The following MROH7 variants were observed in gnomAD, a reference collection of about 807,000 sequenced individuals.
MROH7 encodes maestro heat-like repeat-containing protein family member 7.
In MROH7, 113 loss-of-function variants were observed where a neutral mutation model predicts 129.2. That is an observed-to-expected ratio of 0.87 (90% CI 0.75 to 1.02). MROH7 has a LOEUF of 1.02. Ranked by LOEUF, MROH7 falls within the 50% of genes least tolerant of loss-of-function variation. MROH7 has a pLI of 0.00. For synonymous variants in MROH7, 655 were observed against 667.9 expected, an observed-to-expected ratio of 0.98 and a Z score of 0.30; for missense variants, 1,601 against 1,671.3, an observed-to-expected ratio of 0.96 and a Z score of 0.73.
intron 16 of MROH7, among the ~76,000 whole-genome samples, chr1:54,693,106 T>G (rs931632990): frequency 1.3e-5 from 2 of 151,790 alleles, no homozygotes; most frequent in African/African-American, 2.4e-5. Context: ...TTGAGGCGGG[T>G]GGATCATCTG....
intron 11 of MROH7, 93 bp downstream of exon 11, chr1:54,678,947 C>A: frequency 1.9e-6 from 2 of 1,028,782 alleles, no homozygotes; most frequent in Non-Finnish European, 3.0e-6. Flanking sequence ...TCTAGCTTTC[C>A]AGGCTTTGCA....
At position 54,702,797 on chromosome 1, in the gene MROH7, C is replaced by T. The variant is rs185990957; in HGVS notation, c.3564+52C>T. The T allele has an allele frequency of 1.6e-4, 240 of 1,547,784 alleles. 1 individual carries two copies. The highest frequency in any genetic ancestry group is 9.0e-4 in the Admixed American group (46 of 51,066). On this transcript the variant is annotated intron_variant, in intron 21 of 23. Coordinates refer to ENST00000421030, the MANE Select transcript of MROH7 (RefSeq NM_001039464.4). ...TTCCTTACAAGCATGTTGGAGGTGG[C>T]GAATTCTGTGTCTCTCTCTTCCTTC...
At chr1:54,680,112 G>A in intron 13 of MROH7, 67 bp downstream of exon 13, 1 of 1,525,242 alleles carries the variant, frequency 6.6e-7, no homozygotes, top group Non-Finnish European at 9.0e-7. Flanking sequence ...CCCCAGGTTG[G>A]GGACCCCCTT....
intron 3 of MROH7, among the ~76,000 whole-genome samples, chr1:54,662,307 G>A (rs1251907135): frequency 6.6e-6 from 1 of 151,700 alleles, no homozygotes; most frequent in Non-Finnish European, 1.5e-5. Context: ...AGGCCGAGGC[G>A]GGCAGATCAT....
In MROH7 at chr1:54,701,143, A is replaced by G; in HGVS notation, c.3106A>G (p.Thr1036Ala). 2 of 1,613,306 alleles carry G rather than the reference A, an allele frequency of 1.2e-6. No homozygotes were observed. Among genetic ancestry groups the G allele is most frequent in the Non-Finnish European group, 1.7e-6 (2 of 1,180,014 alleles). ...CATCCCAAATGCTCCTGCCCCACAG[A>G]CCGCCAAGGTGAAGGCCCTCCTGCC... Reference protein sequence around the residue: ...LVILARRSEKTAKVKALLPSM... With the variant: ...LVILARRSEKAAKVKALLPSM... Residue 1036 changes from threonine to alanine, a missense_variant and splice_region_variant, in exon 19 of 24, where the codon ACC (threonine) becomes GCC (alanine). By Grantham distance (58) the Thr-to-Ala change is moderately conservative. Coordinates refer to ENST00000421030, the MANE Select transcript of MROH7 (RefSeq NM_001039464.4).
At chr1:54,700,089 AG>A in intron 17 of MROH7, 1 of 695,370 alleles carries the variant, frequency 1.4e-6, no homozygotes, top group Non-Finnish European at 2.7e-6. Context: ...CTCATGGGAA[AG>A]GCAACAACAA....
chr1:54,661,010 CTTT>C (rs34137020), intron 3 of MROH7, among the ~76,000 whole-genome samples: 5 of 117,442 alleles, frequency 4.3e-5, no homozygotes, highest in Non-Finnish European at 5.8e-5. Flanking sequence ...ACGTTTTGTG[CTTT>C]TTTTTTTTTT....
intron 1 of MROH7, among the ~76,000 whole-genome samples, chr1:54,644,253 G>T (rs1331642997): frequency 1.3e-5 from 2 of 148,926 alleles, no homozygotes; most frequent in South Asian, 2.2e-4. Flanking sequence ...GGGGAGGGGG[G>T]TCTATTTTCT....
chr1:54,689,546 G>A lies in MROH7; in HGVS notation c.2712-2878G>A, dbSNP rs142205377. Among the ~76,000 whole-genome samples, 9 of 152,340 alleles carry A rather than the reference G, an allele frequency of 5.9e-5. No individual in the cohort carries two copies. The East Asian group carries it at 1.2e-3, about 20-fold the overall frequency. ...GCTCCACGGGGCATCAGCACACAAG[G>A]CGGTCACATCCTCCTGAGAGGAGAG... On this transcript the variant is annotated intron_variant, in intron 15 of 23. Transcript: ENST00000421030.
intron 16 of MROH7, among the ~76,000 whole-genome samples, chr1:54,695,045 G>C (rs1447926547): frequency 6.6e-6 from 1 of 152,194 alleles, no homozygotes; most frequent in Admixed American, 6.5e-5. Context: ...CCTGGCGCTT[G>C]GTGAGTGGGC....
rs555375014 is a variant in MROH7, at chr1:54,641,817, G to A, written c.-261G>A. The stretch of plus-strand genomic sequence containing the variant: ...CAGCTCTGGGAAAGTCCTAGGGGTG[G>A]GGGCAGTCTCCACAGCCTCCCACAA... On this transcript the variant is annotated 5_prime_UTR_variant, in exon 1 of 24. Transcript: ENST00000421030. 4 of 146,538 alleles carry A rather than the reference G, an allele frequency of 2.7e-5. No individual in the cohort carries two copies. Among genetic ancestry groups the A allele is most frequent in the Non-Finnish European group, 6.0e-5 (4 of 66,158 alleles). 9.1% of individuals were successfully genotyped at this position (146,538 alleles called of 1,614,324 possible).
chr1:54,650,861 C>A (rs564096806), intron 1 of MROH7, among the ~76,000 whole-genome samples: 1 of 151,932 alleles, frequency 6.6e-6, no homozygotes, highest in East Asian at 1.9e-4. Flanking sequence ...GTAGTTGAGA[C>A]GGCAGGCACA....
intron 14 of MROH7, among the ~76,000 whole-genome samples, chr1:54,684,252 G>A (rs781475855): frequency 3.9e-5 from 6 of 152,198 alleles, no homozygotes; most frequent in Non-Finnish European, 8.8e-5. Flanking sequence ...GGATGCTCCT[G>A]CTTAGAGACA....
chr1:54,668,774 A>G, intron 4 of MROH7, 80 bp from the exon 5 acceptor site: 1 of 1,040,616 alleles, frequency 9.6e-7, no homozygotes, highest in Middle Eastern at 2.1e-4. Flanking sequence ...CGGGTGGTTA[A>G]CAGTGCTGTA....
chr1:54,674,228 G>C, intron 10 of MROH7, 77 bp downstream of exon 10: 1 of 1,525,454 alleles, frequency 6.6e-7, no homozygotes, highest in East Asian at 2.3e-5. Context: ...GAATCAGCTG[G>C]AGCCTTGGCA....
At chr1:54,665,305 C>G (rs996981844) in intron 4 of MROH7, 65 bp downstream of exon 4, 2 of 1,293,856 alleles carry the variant, frequency 1.5e-6, no homozygotes, top group Admixed American at 1.8e-5. Context: ...AACCCCCTAC[C>G]CCCCAGCCCA....
rs1200469714 is a variant in MROH7 at position 54,701,127 on chromosome 1, T to C, written c.3106-16T>C. Reference sequence around the variant, plus strand: ...CTCAGATAGGAGCCCTCATCCCAAATGCTCCTGCCCCACAGACCGCCAAGG... The same window carrying C: ...CTCAGATAGGAGCCCTCATCCCAAACGCTCCTGCCCCACAGACCGCCAAGG... On this transcript the variant is annotated splice_polypyrimidine_tract_variant and intron_variant, in intron 18 of 23. Transcript: ENST00000421030. 1.8e-5 allele frequency: 29 copies of C among 1,612,396 alleles called. No individual in the cohort carries two copies. The highest frequency in any genetic ancestry group is 2.3e-5 in the Non-Finnish European group (27 of 1,179,740).
rs1484475107 is a variant in MROH7, at chr1:54,673,141, C to T, written c.1650C>T (p.Leu550=). ...LEALQTLLKA[L]FIEDPTPAGL... The stretch of plus-strand genomic sequence containing the variant: ...CCCTGCAGACACTGCTCAAAGCCCT[C>T]TTTATCGAGGACCCCACTCCTGCTG... Residue 550 remains leucine, a synonymous_variant, in exon 8 of 24, where the codon CTC becomes CTT. Coordinates refer to ENST00000421030, the MANE Select transcript of MROH7 (RefSeq NM_001039464.4). 4.3e-6 allele frequency: 7 copies of T among 1,613,878 alleles called. No homozygotes were observed. Among genetic ancestry groups the T allele is most frequent in the Non-Finnish European group, 5.9e-6 (7 of 1,179,944 alleles).
At chr1:54,647,163 T>C (rs1182851805) in intron 1 of MROH7, among the ~76,000 whole-genome samples, 1 of 152,250 alleles carries the variant, frequency 6.6e-6, no homozygotes, top group Non-Finnish European at 1.5e-5. Flanking sequence ...TATATTTTTC[T>C]TTTGTTGCTT....
Sources: gnomAD v4.1 joint callset for allele counts (sites outside exome capture counted in the v4.1 genomes callset) on GRCh38, gnomAD v4.1.1 for gene constraint, MANE v1.5 for transcripts, NCBI Gene and HGNC (gene_info 2026-07-23, HGNC 2026-07-21) for gene names.